NET1: variants seen among roughly 807,000 people sequenced by gnomAD.
NET1 encodes neuroepithelial cell-transforming gene 1 protein.
NET1 carries 42 observed loss-of-function variants against 61.1 expected under a neutral mutation model. The ratio of observed to expected loss-of-function variants is 0.69; its 90% CI spans 0.54 to 0.89. NET1 has a LOEUF of 0.89. Ranked by LOEUF, NET1 falls within the 40% of genes least tolerant of loss-of-function variation. The pLI, the probability that NET1 is intolerant of heterozygous loss-of-function variation, is 0.00. For synonymous variants in NET1, 254 were observed against 281.8 expected (o/e 0.90, Z 0.99); for missense variants, 654 against 747.3 (o/e 0.88, Z 1.46).
rs1379829058 is a variant in NET1 at position 5,452,145 on chromosome 10, A to G, written c.363+208A>G. Among the ~76,000 whole-genome samples the G allele has an allele frequency of 6.6e-6, 1 of 152,212 alleles. No homozygotes were observed. Among genetic ancestry groups the G allele is most frequent in the Non-Finnish European group, 1.5e-5 (1 of 68,040 alleles). On this transcript the variant is annotated intron_variant, in intron 4 of 11. Coordinates refer to ENST00000355029, the MANE Select transcript of NET1 (RefSeq NM_001047160.3). The surrounding 1 kb of genome is among the most constrained non-coding windows in gnomAD (Gnocchi z 4.0). ...ATCTTATATTAATTTGCATCTTATAATGCATAGTCTTGGCTAGTTTTTATT... is the reference window on the plus strand; with the variant it reads ...ATCTTATATTAATTTGCATCTTATAGTGCATAGTCTTGGCTAGTTTTTATT...
Position 5,454,207 on chromosome 10 carries a change from G to C in NET1, c.769-58G>C. 1.3e-6 allele frequency: 2 copies of C among 1,534,274 alleles called. No individual in the cohort carries two copies. Among genetic ancestry groups the C allele is most frequent in the South Asian group, 1.3e-5 (1 of 79,410 alleles). On this transcript the variant is annotated intron_variant, in intron 8 of 11. Transcript: ENST00000355029. The surrounding 1 kb of genome is among the most constrained non-coding windows in gnomAD (Gnocchi z 8.1). ...TTTTGTGTTTCATGTTTGCAGGCTT[G>C]TTAATGCACTCGGTCATAACAGGAA...
rs1364032150 is a variant in NET1 at position 5,458,562 on chromosome 10, TA to T, written c.*1573del. Reference sequence around the variant, plus strand: ...TAGTGGTAAGCCTCATAAAAGTTAGTAAAAATTGTAGTTCAACCTTTGAAAT... The same window carrying T: ...TAGTGGTAAGCCTCATAAAAGTTAGTAAAATTGTAGTTCAACCTTTGAAAT... On this transcript the variant is annotated 3_prime_UTR_variant, in exon 12 of 12. Coordinates refer to ENST00000355029, the MANE Select transcript of NET1 (RefSeq NM_001047160.3). This position sits in a 1 kb window ranked among gnomAD's most constrained non-coding sequence, Gnocchi z 4.5. The T allele has an allele frequency of 2.0e-5, 3 of 152,580 alleles. No homozygotes were observed. Among genetic ancestry groups the T allele is most frequent in the Non-Finnish European group, 4.4e-5 (3 of 68,032 alleles). The allele number at this position is 152,580 out of a possible 1,614,324, so 9.5% of individuals were successfully genotyped here.
At chr10:5,425,723 C>T (rs1232228040) in intron 1 of NET1, among the ~76,000 whole-genome samples, 1 of 152,208 alleles carries the variant, frequency 6.6e-6, no homozygotes, top group Non-Finnish European at 1.5e-5. Context: ...TAGTCTCTGT[C>T]AAGATGCAAA....
chr10:5,434,957 T>C (rs1240056418), intron 3 of NET1, among the ~76,000 whole-genome samples: 1 of 152,052 alleles, frequency 6.6e-6, no homozygotes, highest in African/African-American at 2.4e-5. Context: ...TTCTACAGAG[T>C]TAACTTTTAC....
intron 3 of NET1, among the ~76,000 whole-genome samples, chr10:5,448,538 T>C (rs549143931): frequency 3.9e-5 from 6 of 152,280 alleles, no homozygotes; most frequent in Admixed American, 1.3e-4. Context: ...CAACATAAAC[T>C]TATGTTAGAG....
intron 3 of NET1, among the ~76,000 whole-genome samples, chr10:5,445,583 T>A (rs534874283): frequency 7.2e-5 from 11 of 152,342 alleles, no homozygotes; most frequent in African/African-American, 2.4e-4. Context: ...TTATAGTAGT[T>A]TATAGTGTAA....
rs1313584968 is a variant in NET1, at chr10:5,421,285, A to G, written c.129-5370A>G. ...GTCTTTCGGGGCCTTAGGGAAAGCCATAGAACTTTACATATCACCCATATG... is the reference window on the plus strand; with the variant it reads ...GTCTTTCGGGGCCTTAGGGAAAGCCGTAGAACTTTACATATCACCCATATG... On this transcript the variant is annotated intron_variant, in intron 1 of 11. Transcript: ENST00000355029. This position sits in a 1 kb window ranked among gnomAD's most constrained non-coding sequence, Gnocchi z 4.2. Among the ~76,000 whole-genome samples, 1 of 152,200 alleles carries G rather than the reference A, an allele frequency of 6.6e-6. No homozygotes were observed. Among genetic ancestry groups the G allele is most frequent in the Admixed American group, 6.5e-5 (1 of 15,286 alleles).
chr10:5,454,416 T>C lies in NET1; in HGVS notation c.920T>C (p.Phe307Ser). 1 of 1,614,178 alleles carries C rather than the reference T, an allele frequency of 6.2e-7. No homozygotes were observed. The highest frequency in any genetic ancestry group is 8.5e-7 in the Non-Finnish European group (1 of 1,180,018). Residue 307 changes from phenylalanine (F) to serine (S), a missense_variant, in exon 9 of 12, where the codon TTC becomes TCC. Physicochemically the swap from Phe to Ser is radical, Grantham distance 155. Coordinates refer to ENST00000355029, the MANE Select transcript of NET1 (RefSeq NM_001047160.3). The surrounding 1 kb of genome is among the most constrained non-coding windows in gnomAD (Gnocchi z 8.1). ...AGTCGAAAACTAGATCTTTGGAGTT[T>C]CCTAGATATCCCTCGAAGTCGCCTA... Reference protein sequence around the residue: ...PFSRKLDLWSFLDIPRSRLVK... With the variant: ...PFSRKLDLWSSLDIPRSRLVK...
Position 5,454,717 on chromosome 10 carries a change from T to G in NET1, c.1026+195T>G, listed in dbSNP as rs994891373. Among the ~76,000 whole-genome samples, 3 of 152,234 alleles carry G rather than the reference T, an allele frequency of 2.0e-5. No individual in the cohort carries two copies. The highest frequency in any genetic ancestry group is 4.4e-5 in the Non-Finnish European group (3 of 68,038). ...GCTGGACTTCGCACATTTTGTATCT[T>G]AAGGGACAGGATTCTCATCTGATCT... is the stretch of plus-strand genomic sequence containing the variant. On this transcript the variant is annotated intron_variant, in intron 9 of 11. Transcript: ENST00000355029. The surrounding 1 kb of genome is among the most constrained non-coding windows in gnomAD (Gnocchi z 8.1).
In NET1 at chr10:5,456,955, AG is replaced by A; in HGVS notation, c.1753del (p.Ala585ProfsTer19). 1 of 1,583,868 alleles carries A rather than the reference AG, an allele frequency of 6.3e-7. No individual in the cohort carries two copies. Among genetic ancestry groups the A allele is most frequent in the Non-Finnish European group, 8.6e-7 (1 of 1,164,334 alleles). ...CCGGCATCCGAAGAGCGAGGGACAA[AG>A]CCCTTTCTGGTGGCAAACGGAAAGA... Reference protein sequence around the residue: ...QPGIRRARDKALSGGKRKETL... With the variant: ...QPGIRRARDKXLSGGKRKETL... On this transcript the variant is annotated frameshift_variant, in exon 12 of 12. Transcript: ENST00000355029. LOFTEE classifies it high-confidence loss of function. This position sits in a 1 kb window ranked among gnomAD's most constrained non-coding sequence, Gnocchi z 7.0.
At position 5,451,770 on chromosome 10, in the gene NET1, G is replaced by C. The variant is rs776725643; in HGVS notation, c.256-60G>C. ...TGTGAGAGGGCTTTACTTTGTCCAAGTTTGTATGAAATCATTGCACCTAGA... is the reference window on the plus strand; with the variant it reads ...TGTGAGAGGGCTTTACTTTGTCCAACTTTGTATGAAATCATTGCACCTAGA... On this transcript the variant is annotated intron_variant, in intron 3 of 11. Coordinates refer to ENST00000355029, the MANE Select transcript of NET1 (RefSeq NM_001047160.3). This position sits in a 1 kb window ranked among gnomAD's most constrained non-coding sequence, Gnocchi z 6.1. 1.2e-5 allele frequency: 17 copies of C among 1,371,980 alleles called. No individual in the cohort carries two copies. The highest frequency in any genetic ancestry group is 1.7e-5 in the Non-Finnish European group (17 of 978,284). 85.0% of individuals were successfully genotyped at this position (1,371,980 alleles called of 1,614,324 possible).
Position 5,431,802 on chromosome 10 carries a change from C to T in NET1, c.255+2573C>T, listed in dbSNP as rs1832354434. Among the ~76,000 whole-genome samples the T allele has an allele frequency of 6.6e-6, 1 of 152,042 alleles. No individual in the cohort carries two copies. The highest frequency in any genetic ancestry group is 6.6e-5 in the Admixed American group (1 of 15,256). ...GTTTTGTAGAAAAGACAGGGTCTCA[C>T]TATGTTGGCCAGGAAGGCCTCAAAT... On this transcript the variant is annotated intron_variant, in intron 3 of 11. Coordinates refer to ENST00000355029, the MANE Select transcript of NET1 (RefSeq NM_001047160.3). This position sits in a 1 kb window ranked among gnomAD's most constrained non-coding sequence, Gnocchi z 4.9.
rs920274066 is a variant in NET1 at position 5,439,639 on chromosome 10, C to A, written c.255+10410C>A. 6.6e-6 allele frequency among the ~76,000 whole-genome samples: 1 copy of A among 152,216 alleles called. No individual in the cohort carries two copies. The highest frequency in any genetic ancestry group is 1.5e-5 in the Non-Finnish European group (1 of 68,040). On this transcript the variant is annotated intron_variant, in intron 3 of 11. Coordinates refer to ENST00000355029, the MANE Select transcript of NET1 (RefSeq NM_001047160.3). The surrounding 1 kb of genome is among the most constrained non-coding windows in gnomAD (Gnocchi z 4.8). ...GGGCCTCACTCTAACTAGGTCTGCC[C>A]CACACCTGGGGCTGCTTTTCAAACC...
At position 5,453,385 on chromosome 10, in the gene NET1, C is replaced by G. The variant is rs753921545; in HGVS notation, c.691+39C>G. Reference sequence around the variant, plus strand: ...CTTAATTGTCATTAAATCTAAAGAGCAGCGGTGCATGTAATTTTCAGTCTA... The same window carrying G: ...CTTAATTGTCATTAAATCTAAAGAGGAGCGGTGCATGTAATTTTCAGTCTA... On this transcript the variant is annotated intron_variant, in intron 7 of 11. Coordinates refer to ENST00000355029, the MANE Select transcript of NET1 (RefSeq NM_001047160.3). The surrounding 1 kb of genome is among the most constrained non-coding windows in gnomAD (Gnocchi z 4.9). The G allele has an allele frequency of 6.4e-7, 1 of 1,567,776 alleles. No individual in the cohort carries two copies. Among genetic ancestry groups the G allele is most frequent in the South Asian group, 1.1e-5 (1 of 90,158 alleles).
Position 5,457,041 on chromosome 10 carries a change from A to T in NET1, c.*47A>T. 1 of 1,499,232 alleles carries T rather than the reference A, an allele frequency of 6.7e-7. No homozygotes were observed. Among genetic ancestry groups the T allele is most frequent in the Non-Finnish European group, 8.9e-7 (1 of 1,124,240 alleles). The allele number at this position is 1,499,232 out of a possible 1,614,324, so 92.9% of individuals were successfully genotyped here. ...GATGGGAGAGACTGTTTGTTTATAA[A>T]TGTGTACAGTTTTGTTTTCTCGTAA... On this transcript the variant is annotated 3_prime_UTR_variant, in exon 12 of 12. Transcript: ENST00000355029. This position sits in a 1 kb window ranked among gnomAD's most constrained non-coding sequence, Gnocchi z 5.4.
chr10:5,455,835 T>G lies in NET1; in HGVS notation c.1198-252T>G, dbSNP rs534406010. Among the ~76,000 whole-genome samples the G allele has an allele frequency of 6.6e-6, 1 of 152,366 alleles. No individual in the cohort carries two copies. Among genetic ancestry groups the G allele is most frequent in the East Asian group, 1.9e-4 (1 of 5,190 alleles). On this transcript the variant is annotated intron_variant, in intron 10 of 11. Coordinates refer to ENST00000355029, the MANE Select transcript of NET1 (RefSeq NM_001047160.3). This position sits in a 1 kb window ranked among gnomAD's most constrained non-coding sequence, Gnocchi z 6.5. ...GGTCTTTGTGATGCAGAGCATTCACTTAGCTGCTGCTTAATCTGATATTAC... is the reference window on the plus strand; with the variant it reads ...GGTCTTTGTGATGCAGAGCATTCACGTAGCTGCTGCTTAATCTGATATTAC...
At position 5,457,042 on chromosome 10, in the gene NET1, T is replaced by G; in HGVS notation, c.*48T>G. 2 of 1,498,314 alleles carry G rather than the reference T, an allele frequency of 1.3e-6. No individual in the cohort carries two copies. Among genetic ancestry groups the G allele is most frequent in the Non-Finnish European group, 1.8e-6 (2 of 1,123,772 alleles). The allele number at this position is 1,498,314 out of a possible 1,614,324, so 92.8% of individuals were successfully genotyped here. A position where few individuals can be genotyped will look rare whatever the true frequency, so the allele number is the denominator to read the frequency against. On this transcript the variant is annotated 3_prime_UTR_variant, in exon 12 of 12. Coordinates refer to ENST00000355029, the MANE Select transcript of NET1 (RefSeq NM_001047160.3). This position sits in a 1 kb window ranked among gnomAD's most constrained non-coding sequence, Gnocchi z 5.4. The stretch of plus-strand genomic sequence containing the variant: ...ATGGGAGAGACTGTTTGTTTATAAA[T>G]GTGTACAGTTTTGTTTTCTCGTAAG...
chr10:5,442,322 A>G (rs187072197), intron 3 of NET1, among the ~76,000 whole-genome samples: 102 of 152,306 alleles, frequency 6.7e-4, no homozygotes, highest in African/African-American at 2.4e-3. Context: ...CTAATTTCCA[A>G]TTGCTTGTTA....
At chr10:5,429,278 A>T (rs1407023931) in intron 3 of NET1, 49 bp downstream of exon 3, 1 of 1,328,596 alleles carries the variant, frequency 7.5e-7, no homozygotes, top group African/African-American at 1.5e-5. Flanking sequence ...ATATGCAGAT[A>T]GCATTTTATT....
Sources: allele counts gnomAD v4.1 joint callset (sites outside exome capture counted in the v4.1 genomes callset), GRCh38; gene constraint gnomAD v4.1.1; non-coding constraint Gnocchi (gnomAD v3.1); transcripts MANE v1.5; gene names NCBI Gene and HGNC (gene_info 2026-07-23, HGNC 2026-07-21).